The following ADARB2 variants were observed in gnomAD, a reference collection of about 807,000 sequenced individuals.
The protein encoded by ADARB2 is adenosine deaminase RNA specific B2 (inactive).
In ADARB2, 25 loss-of-function variants were observed where a neutral mutation model predicts 62.2. The observed-to-expected ratio is 0.40, with a 90% CI of 0.29 to 0.56. ADARB2 has a LOEUF of 0.56. Among genes scored for constraint, ADARB2 ranks in the 20% least tolerant of loss-of-function variants. ADARB2 has a pLI of 0.43. For synonymous variants in ADARB2, 572 were observed against 500.8 expected (o/e 1.14, Z -1.90); for missense variants, 1,071 against 1,077.4 (o/e 0.99, Z 0.08).
intron 1 of ADARB2, among the ~76,000 whole-genome samples, chr10:1,724,558 G>C (rs184629618): frequency 1.6e-4 from 24 of 152,316 alleles, no homozygotes; most frequent in Admixed American, 9.8e-4. Flanking sequence ...CTGTCATCCT[G>C]GGTCCCCGAC....
At chr10:1,428,607 A>AT (rs1469563537) in intron 1 of ADARB2, among the ~76,000 whole-genome samples, 1 of 150,810 alleles carries the variant, frequency 6.6e-6, no homozygotes, top group Non-Finnish European at 1.5e-5. Context: ...TTTATATGAC[A>AT]TTTTTGAAAT....
At position 1,673,648 on chromosome 10, in the gene ADARB2, C is replaced by T. The variant is rs562287630; in HGVS notation, c.100+63403G>A. Reference sequence around the variant, plus strand: ...TGTGAAAAATGAACACTGAGCACTACGGGAACGTCGGATCATAACGATGAC... The same window carrying T: ...TGTGAAAAATGAACACTGAGCACTATGGGAACGTCGGATCATAACGATGAC... On this transcript the variant is annotated intron_variant, in intron 1 of 9. Transcript: ENST00000381312. Among the ~76,000 whole-genome samples the T allele has an allele frequency of 3.8e-4, 58 of 152,300 alleles. 1 individual carries two copies. The highest frequency in any genetic ancestry group is 1.3e-3 in the African/African-American group (56 of 41,572).
chr10:1,247,893 G>A (rs1831001588), intron 4 of ADARB2, among the ~76,000 whole-genome samples: 1 of 152,174 alleles, frequency 6.6e-6, no homozygotes, highest in Non-Finnish European at 1.5e-5. Flanking sequence ...GCACAGAGGT[G>A]TCTAACATTC....
intron 6 of ADARB2, among the ~76,000 whole-genome samples, chr10:1,219,831 G>GTGA (rs1258418506): frequency 7.5e-6 from 1 of 133,682 alleles, no homozygotes; most frequent in Non-Finnish European, 1.6e-5. Flanking sequence ...GGTAATGATG[G>GTGA]TGGTGATGAT....
chr10:1,599,499 C>T (rs921790036), intron 1 of ADARB2, among the ~76,000 whole-genome samples: 18 of 152,108 alleles, frequency 1.2e-4, no homozygotes, highest in East Asian at 5.8e-4. Flanking sequence ...CAGGGAAGCA[C>T]GTATTGGAAA....
intron 6 of ADARB2, among the ~76,000 whole-genome samples, chr10:1,221,763 G>C (rs958307196): frequency 7.2e-5 from 11 of 151,974 alleles, no homozygotes; most frequent in African/African-American, 2.7e-4. Context: ...TTTTTTTATG[G>C]CTGCATAGTA....
Position 1,179,054 on chromosome 10 carries a change from G to A in ADARB2, c.*4139C>T, listed in dbSNP as rs1489312353. On this transcript the variant is annotated 3_prime_UTR_variant, in exon 10 of 10. Transcript: ENST00000381312. ...AATTAAAAATGTCTACTTTATGTAC[G>A]TCTCAAATGTCTTCAGTTGTTTTAA... The A allele has an allele frequency of 3.9e-5, 6 of 152,174 alleles. No homozygotes were observed. The highest frequency in any genetic ancestry group is 3.8e-4 in the East Asian group (2 of 5,202). 9.4% of individuals were successfully genotyped at this position (152,174 alleles called of 1,614,324 possible).
At chr10:1,557,111 A>G (rs1197060925) in intron 1 of ADARB2, 1 of 341,768 alleles carries the variant, frequency 2.9e-6, no homozygotes, top group Non-Finnish European at 5.7e-6. Context: ...CCATTGCCTC[A>G]GTTTCAGGTG....
At chr10:1,475,006 C>G (rs1200562975) in intron 1 of ADARB2, among the ~76,000 whole-genome samples, 2 of 152,240 alleles carry the variant, frequency 1.3e-5, no homozygotes, top group Middle Eastern at 6.8e-3. Flanking sequence ...GGGTGGGACC[C>G]TGGTCTAATG....
At chr10:1,186,902 A>C (rs115045296) in intron 8 of ADARB2, among the ~76,000 whole-genome samples, 1 of 152,354 alleles carries the variant, frequency 6.6e-6, no homozygotes, top group African/African-American at 2.4e-5. Context: ...AGCACAGCTC[A>C]TAACACCTTC....
rs534130210 is a variant in ADARB2, at chr10:1,451,615, A to G, written c.101-72455T>C. On this transcript the variant is annotated intron_variant, in intron 1 of 9. Transcript: ENST00000381312. ...AGGGGCTCACCTGTATAAGGAGGGG[A>G]CACACCTTCCTGAGAAGGGGACACA... Among the ~76,000 whole-genome samples the G allele has an allele frequency of 2.0e-5, 3 of 151,614 alleles. No individual in the cohort carries two copies. In the South Asian group the frequency reaches 6.3e-4, roughly 32 times the overall value.
chr10:1,234,265 A>T (rs553345275), intron 5 of ADARB2, among the ~76,000 whole-genome samples: 1 of 152,228 alleles, frequency 6.6e-6, no homozygotes, highest in South Asian at 2.1e-4. Flanking sequence ...CTGGGATTAC[A>T]GGTGTGAGCC....
intron 1 of ADARB2, among the ~76,000 whole-genome samples, chr10:1,562,427 A>G (rs1024855958): frequency 2.7e-5 from 4 of 149,376 alleles, no homozygotes; most frequent in African/African-American, 9.8e-5. Context: ...CACTGGGAGA[A>G]AAGGTTCCCA....
chr10:1,655,799 G>T lies in ADARB2; in HGVS notation c.100+81252C>A, dbSNP rs759810927. ...TCAGTACTGGAACAAGCGAGGTTTTGAGTATTTTCAGTAGCATCTTTGTTC... is the reference window on the plus strand; with the variant it reads ...TCAGTACTGGAACAAGCGAGGTTTTTAGTATTTTCAGTAGCATCTTTGTTC... On this transcript the variant is annotated intron_variant, in intron 1 of 9. Coordinates refer to ENST00000381312, the MANE Select transcript of ADARB2 (RefSeq NM_018702.4). Among the ~76,000 whole-genome samples, 176 of 152,346 alleles carry T rather than the reference G, an allele frequency of 1.2e-3. 1 individual carries two copies. Among genetic ancestry groups the T allele is most frequent in the Admixed American group, 2.0e-3 (31 of 15,308 alleles).
At chr10:1,279,879 C>T (rs1475497226) in intron 3 of ADARB2, among the ~76,000 whole-genome samples, 1 of 152,176 alleles carries the variant, frequency 6.6e-6, no homozygotes, top group South Asian at 2.1e-4. Flanking sequence ...GCAAATTGCA[C>T]CCCGAGTCCC....
At chr10:1,646,528 C>T (rs1052195463) in intron 1 of ADARB2, among the ~76,000 whole-genome samples, 6 of 152,214 alleles carry the variant, frequency 3.9e-5, no homozygotes, top group South Asian at 2.1e-4. Flanking sequence ...CGCTGGTGGG[C>T]GTGGCTGCAC....
intron 1 of ADARB2, among the ~76,000 whole-genome samples, chr10:1,503,917 T>C (rs1041299822): frequency 1.3e-5 from 2 of 152,198 alleles, no homozygotes; most frequent in Non-Finnish European, 2.9e-5. Context: ...TTCACGCTTC[T>C]TGTACAGCCT....
At chr10:1,644,538 C>A (rs1034161986) in intron 1 of ADARB2, among the ~76,000 whole-genome samples, 2 of 152,262 alleles carry the variant, frequency 1.3e-5, no homozygotes, top group Non-Finnish European at 2.9e-5. Flanking sequence ...CTGGTGGTGA[C>A]ACAGGTTATC....
intron 1 of ADARB2, 64 bp from the exon 2 acceptor site, chr10:1,379,224 A>T (rs370904920): frequency 7.6e-7 from 1 of 1,317,560 alleles, no homozygotes; most frequent in Non-Finnish European, 1.1e-6. Context: ...CAATGCTTTT[A>T]TAAGTTCTTA....
Sources: gnomAD v4.1 joint callset for allele counts (sites outside exome capture counted in the v4.1 genomes callset) on GRCh38, gnomAD v4.1.1 for gene constraint, MANE v1.5 for transcripts, NCBI Gene and HGNC (gene_info 2026-07-23, HGNC 2026-07-21) for gene names.